Variants in ARFGAP2 observed in about 807,000 individuals in gnomAD.
The protein encoded by ARFGAP2 is ADP-ribosylation factor GTPase-activating protein 2.
In ARFGAP2, 45 loss-of-function variants were observed where a neutral mutation model predicts 71.9. The observed-to-expected ratio is 0.63, with a 90% CI of 0.49 to 0.80. The LOEUF is 0.80. Ranked by LOEUF, ARFGAP2 falls within the 30% of genes least tolerant of loss-of-function variation. The pLI, the probability that ARFGAP2 is intolerant of heterozygous loss-of-function variation, is 0.00. For synonymous variants in ARFGAP2, 248 were observed against 249.2 expected (o/e 1.00, Z 0.05); for missense variants, 633 against 673.9 (o/e 0.94, Z 0.67).
chr11:47,174,514 G>C (rs200411982), intron 5 of ARFGAP2: 1 of 158,626 alleles, frequency 6.3e-6, no homozygotes, highest in Non-Finnish European at 1.4e-5. Flanking sequence ...TCCTGCCTCA[G>C]CCTCCCAAGT....
At chr11:47,169,233 GA>G (rs1478459679) in intron 10 of ARFGAP2, 1 of 151,844 alleles carries the variant, frequency 6.6e-6, no homozygotes, top group African/African-American at 2.4e-5. Flanking sequence ...AGAATGACGT[GA>G]ACTTGGGGGG....
chr11:47,175,221 C>T lies in ARFGAP2; in HGVS notation c.357G>A (p.Arg119=). The change falls in exon 4 of 16, where the codon CGG becomes CGA. Residue 119 remains arginine (R), a synonymous_variant. Transcript: ENST00000524782. ...TAGCCAGGGCCGCACTCCCCAGCTG[C>T]CGGATCTTCTCCCGGTACATCTGGG... The part of the protein sequence containing the change: ...RAAQMYREKI[R]QLGSAALARH... 2 of 1,614,172 alleles carry T rather than the reference C, an allele frequency of 1.2e-6. No individual in the cohort carries two copies. Among genetic ancestry groups the T allele is most frequent in the East Asian group, 4.5e-5 (2 of 44,888 alleles).
At chr11:47,175,520 G>T (rs544706891) in intron 3 of ARFGAP2, 35 of 764,682 alleles carry the variant, frequency 4.6e-5, no homozygotes, top group Non-Finnish European at 6.6e-5. Flanking sequence ...TATGACTGAA[G>T]TCCAGGCCCC....
intron 15 of ARFGAP2, among the ~76,000 whole-genome samples, chr11:47,165,712 G>A (rs1326597152): frequency 6.6e-6 from 1 of 152,176 alleles, no homozygotes; most frequent in Non-Finnish European, 1.5e-5. Flanking sequence ...TGGCCTCACA[G>A]AAGCTGGGAA....
rs771245416 is a variant in ARFGAP2 at position 47,166,300 on chromosome 11, C to G, written c.1513G>C (p.Val505Leu). ...GVKSVAGKMA[V>L]LANGVMNSLQ... ...GAATTCATCACACCATTGGCCAGCACAGCCATTTTCCCAGCCACAGACTTG... is the reference window on the plus strand; with the variant it reads ...GAATTCATCACACCATTGGCCAGCAGAGCCATTTTCCCAGCCACAGACTTG... The change falls in exon 15 of 16, where the codon GTG becomes CTG. Residue 505 changes from valine to leucine, a missense_variant. Val to Leu is a conservative substitution (Grantham distance 32). Transcript: ENST00000524782. 9 of 1,614,258 alleles carry G rather than the reference C, an allele frequency of 5.6e-6. No individual in the cohort carries two copies. Among genetic ancestry groups the G allele is most frequent in the South Asian group, 1.1e-5 (1 of 91,090 alleles).
chr11:47,166,966 C>T (rs1249386359), intron 12 of ARFGAP2, 80 bp from the exon 13 acceptor site: 52 of 1,523,392 alleles, frequency 3.4e-5, no homozygotes, highest in Non-Finnish European at 4.6e-5. Context: ...AACAGAGCAC[C>T]AGTGGCCTTT....
intron 3 of ARFGAP2, 200 bp downstream of exon 3, chr11:47,175,651 C>G: frequency 1.5e-6 from 1 of 669,676 alleles, no homozygotes; most frequent in Non-Finnish European, 2.5e-6. Context: ...CCCAAGAACA[C>G]CTGCCCAGTT....
At chr11:47,167,273 T>G (rs913357097) in intron 12 of ARFGAP2, among the ~76,000 whole-genome samples, 1 of 152,210 alleles carries the variant, frequency 6.6e-6, no homozygotes, top group Admixed American at 6.5e-5. Flanking sequence ...ACTCTTGTCA[T>G]AACTATGAAT....
In ARFGAP2 at chr11:47,168,113, A is replaced by G. The variant is rs779066303; in HGVS notation, c.1070+10T>C. 5 of 1,614,196 alleles carry G rather than the reference A, an allele frequency of 3.1e-6. No homozygotes were observed. The South Asian group carries it at 5.5e-5, about 18-fold the overall frequency. On this transcript the variant is annotated intron_variant, in intron 11 of 15. Transcript: ENST00000524782. ...CAGCAGCCAAGTTTACAGCTAGAAA[A>G]CAGCCTTACTTTGGGGGTCCAGAGG...
At chr11:47,165,870 C>T (rs6485744) in intron 15 of ARFGAP2, among the ~76,000 whole-genome samples, 151,771 of 151,874 alleles carry the variant, frequency 1, 75,835 homozygotes, top group Middle Eastern at 1. Flanking sequence ...CTTGCTTTTT[C>T]GTTTGTGGTT....
intron 5 of ARFGAP2, 104 bp from the exon 6 acceptor site, chr11:47,173,944 C>A: frequency 3.9e-6 from 6 of 1,533,686 alleles, no homozygotes; most frequent in Non-Finnish European, 5.3e-6. Flanking sequence ...TACTCCAAAC[C>A]CATGAGGAAA....
intron 7 of ARFGAP2, 23 bp from the exon 8 acceptor site, chr11:47,172,356 T>C (rs889522312): frequency 3.7e-6 from 6 of 1,614,036 alleles, no homozygotes; most frequent in Non-Finnish European, 4.2e-6. Flanking sequence ...CGGGTAGGCA[T>C]GAGCTAAGAC....
chr11:47,176,637 G>A lies in ARFGAP2; in HGVS notation c.73-3C>T, dbSNP rs780022359. The stretch of plus-strand genomic sequence containing the variant: ...TTGGCGCCGCAGTCGAAACAGGCCT[G>A]GGTGGAGGCGGCGATGAGCGAATCG... On this transcript the variant is annotated splice_polypyrimidine_tract_variant and splice_region_variant and intron_variant, in intron 1 of 15. Transcript: ENST00000524782. The A allele has an allele frequency of 6.2e-7, 1 of 1,613,872 alleles. No homozygotes were observed. Among genetic ancestry groups the A allele is most frequent in the East Asian group, 2.2e-5 (1 of 44,880 alleles).
At chr11:47,174,924 T>C in intron 5 of ARFGAP2, 91 bp downstream of exon 5, 1 of 1,371,454 alleles carries the variant, frequency 7.3e-7, no homozygotes, top group South Asian at 1.2e-5. Context: ...TCAAAGCAAA[T>C]GGAATCTACA....
chr11:47,166,909 C>A, intron 12 of ARFGAP2, 23 bp from the exon 13 acceptor site: 1 of 1,607,394 alleles, frequency 6.2e-7, no homozygotes, highest in Non-Finnish European at 8.5e-7. Context: ...TGTGGAATAT[C>A]TCGGACTCCT....
chr11:47,166,625 G>A lies in ARFGAP2; in HGVS notation c.1333-26C>T, dbSNP rs1237491457. On this transcript the variant is annotated intron_variant, in intron 13 of 15. Coordinates refer to ENST00000524782, the MANE Select transcript of ARFGAP2 (RefSeq NM_032389.6). ...CTGTGGTGAGGAAAAGGCCAGGCCT[G>A]GGGATCTTGGGGCTGATGACCCAAG... is the stretch of plus-strand genomic sequence containing the variant. The A allele has an allele frequency of 1.9e-6, 3 of 1,608,656 alleles. No individual in the cohort carries two copies. In the South Asian group the frequency reaches 3.3e-5, roughly 18 times the overall value.
intron 2 of ARFGAP2, chr11:47,176,218 C>T (rs544273160): frequency 1.7e-6 from 1 of 587,276 alleles, no homozygotes; most frequent in South Asian, 2.1e-5. Flanking sequence ...ACATACTGGT[C>T]TAACAACATA....
chr11:47,165,628 C>CCCTG, intron 15 of ARFGAP2, 126 bp from the exon 16 acceptor site: 1 of 1,080,304 alleles, frequency 9.3e-7, no homozygotes, highest in Non-Finnish European at 1.3e-6. Flanking sequence ...GCTGGACAGC[C>CCCTG]CGGTGAGGCA....
In ARFGAP2 at chr11:47,171,733, T is replaced by C; in HGVS notation, c.740A>G (p.Gln247Arg). ...SSQSFSEIER[Q>R]AQVAEKLREQ... The stretch of plus-strand genomic sequence containing the variant: ...ACGGAGCTTCTCTGCCACCTGAGCC[T>C]GCCGCTCAATCTCACTGAAGCTCTG... Residue 247 changes from glutamine (Q) to arginine (R), a missense_variant, in exon 9 of 16, where the codon CAG becomes CGG. Physicochemically the swap from Gln to Arg is conservative, Grantham distance 43 (BLOSUM62 1). Coordinates refer to ENST00000524782, the MANE Select transcript of ARFGAP2 (RefSeq NM_032389.6). The C allele has an allele frequency of 3.1e-6, 5 of 1,614,006 alleles. No individual in the cohort carries two copies. Among genetic ancestry groups the C allele is most frequent in the Non-Finnish European group, 3.4e-6 (4 of 1,180,040 alleles).
Sources: allele counts gnomAD v4.1 joint callset (sites outside exome capture counted in the v4.1 genomes callset), GRCh38; gene constraint gnomAD v4.1.1; transcripts MANE v1.5; gene names NCBI Gene and HGNC (gene_info 2026-07-23, HGNC 2026-07-21).